The following FLT1 variants were observed in gnomAD, a reference collection of about 807,000 sequenced individuals.
FLT1 encodes the protein fms related receptor tyrosine kinase 1.
FLT1 carries 49 observed loss-of-function variants against 156.3 expected under a neutral mutation model. The observed-to-expected ratio is 0.31, with a 90% CI of 0.25 to 0.40. FLT1 has a LOEUF of 0.40. Ranked by LOEUF, FLT1 falls within the 10% of genes least tolerant of loss-of-function variation. The pLI is 1.00. For missense variants in FLT1, 1,322 were observed against 1,637.2 expected (o/e 0.81, Z 3.32); for synonymous variants, 594 against 583.8 (o/e 1.02, Z -0.25).
intron 17 of FLT1, among the ~76,000 whole-genome samples, chr13:28,335,699 G>A (rs1872092790): frequency 6.6e-6 from 1 of 152,160 alleles, no homozygotes; most frequent in South Asian, 2.1e-4. Flanking sequence ...CTGGGGAGAC[G>A]ACACGTTTCT....
chr13:28,306,641 C>G, intron 29 of FLT1, 37 bp downstream of exon 29: 1 of 1,409,402 alleles, frequency 7.1e-7, no homozygotes, highest in Non-Finnish European at 1.0e-6. Context: ...TCGTACCCCT[C>G]CATCAACTGA....
intron 14 of FLT1, among the ~76,000 whole-genome samples, chr13:28,364,933 A>G (rs1279648085): frequency 6.6e-6 from 1 of 152,160 alleles, no homozygotes; most frequent in African/African-American, 2.4e-5. Context: ...TTTATACTTC[A>G]ATACTTTATA....
At chr13:28,470,357 T>C (rs575609902) in intron 1 of FLT1, among the ~76,000 whole-genome samples, 4 of 152,238 alleles carry the variant, frequency 2.6e-5, no homozygotes, top group Non-Finnish European at 4.4e-5. Context: ...CATGCCAGAA[T>C]AGTTTCTGCC....
chr13:28,388,077 A>G, intron 13 of FLT1: 1 of 1,057,268 alleles, frequency 9.5e-7, no homozygotes, highest in Non-Finnish European at 1.1e-6. Context: ...GTTCTATGGT[A>G]TTAAGGCATT....
intron 10 of FLT1, among the ~76,000 whole-genome samples, chr13:28,423,909 C>T (rs1877161580): frequency 6.6e-6 from 1 of 152,180 alleles, no homozygotes; most frequent in South Asian, 2.1e-4. Flanking sequence ...TATTAATATT[C>T]AAAAGAGATA....
chr13:28,325,580 C>T (rs989606365), intron 20 of FLT1, among the ~76,000 whole-genome samples: 5 of 152,106 alleles, frequency 3.3e-5, no homozygotes, highest in South Asian at 2.1e-4. Flanking sequence ...TTTGTGAGGC[C>T]GAGGCAGGCG....
chr13:28,379,257 C>A (rs1203658109), intron 14 of FLT1, among the ~76,000 whole-genome samples: 1 of 152,172 alleles, frequency 6.6e-6, no homozygotes. Context: ...GCACCAGAAC[C>A]TGGGAGGCGG....
At chr13:28,311,860 TAC>T (rs375433146) in intron 26 of FLT1, 128 bp from the exon 27 acceptor site, 946 of 1,093,124 alleles carry the variant, frequency 8.7e-4, no homozygotes, top group Non-Finnish European at 1.1e-3. Flanking sequence ...TAATTCTGTA[TAC>T]ACACACACAC....
chr13:28,376,057 C>T (rs995765120), intron 14 of FLT1, among the ~76,000 whole-genome samples: 1 of 152,188 alleles, frequency 6.6e-6, no homozygotes, highest in African/African-American at 2.4e-5. Context: ...CCTCATTCCT[C>T]TCTCTCTTCT....
At chr13:28,356,987 AAGAGG>A (rs1872921235) in intron 15 of FLT1, among the ~76,000 whole-genome samples, 1 of 152,236 alleles carries the variant, frequency 6.6e-6, no homozygotes, top group South Asian at 2.1e-4. Flanking sequence ...GAGACCTATA[AAGAGG>A]AAGCACTTGG....
At chr13:28,416,794 T>C (rs1041223141) in intron 10 of FLT1, among the ~76,000 whole-genome samples, 4 of 152,222 alleles carry the variant, frequency 2.6e-5, no homozygotes, top group African/African-American at 7.2e-5. Flanking sequence ...ATCCTACGTG[T>C]TCAAGTACTT....
rs2137622827 is a variant in FLT1, at chr13:28,467,124, TC to T, written c.166del (p.Glu56LysfsTer12). On this transcript the variant is annotated frameshift_variant, in exon 3 of 30. Transcript: ENST00000282397. LOFTEE classifies it high-confidence loss of function. Reference protein sequence around the residue: ...GQTLHLQCRGEAAHKWSLPEM... With the variant: ...GQTLHLQCRGXAAHKWSLPEM... ...AGGCAAAGACCATTTATGGGCTGCT[TC>T]CCCCCTGCAATCACAGATAAGAAAA... is the stretch of plus-strand genomic sequence containing the variant. 2 of 1,612,556 alleles carry T rather than the reference TC, an allele frequency of 1.2e-6. No individual in the cohort carries two copies. Among genetic ancestry groups the T allele is most frequent in the Non-Finnish European group, 8.5e-7 (1 of 1,179,062 alleles).
intron 11 of FLT1, among the ~76,000 whole-genome samples, chr13:28,405,405 C>A (rs1875723720): frequency 6.6e-6 from 1 of 152,198 alleles, no homozygotes; most frequent in South Asian, 2.1e-4. Context: ...GATTCTCAAT[C>A]CCCGTTAGGT....
intron 27 of FLT1, 132 bp downstream of exon 27, chr13:28,311,458 C>T (rs1870996068): frequency 1.2e-6 from 1 of 826,326 alleles, no homozygotes; most frequent in African/African-American, 1.7e-5. Context: ...CATAATCTTT[C>T]TTTCTTTCTT....
At chr13:28,346,722 G>A (rs980775609) in intron 15 of FLT1, among the ~76,000 whole-genome samples, 11 of 152,146 alleles carry the variant, frequency 7.2e-5, no homozygotes, top group African/African-American at 2.4e-4. Context: ...AAGAGAGAGG[G>A]AGAGAAAGAG....
At chr13:28,477,730 C>T (rs924514973) in intron 1 of FLT1, among the ~76,000 whole-genome samples, 1 of 152,174 alleles carries the variant, frequency 6.6e-6, no homozygotes, top group Non-Finnish European at 1.5e-5. Flanking sequence ...GCATACTCCC[C>T]ACGGGCTTAT....
At chr13:28,405,234 T>A (rs981036701) in intron 11 of FLT1, among the ~76,000 whole-genome samples, 2 of 152,146 alleles carry the variant, frequency 1.3e-5, no homozygotes, top group African/African-American at 4.8e-5. Context: ...GGTCAAGGAA[T>A]CTTGATAGAT....
chr13:28,336,237 T>C (rs537310290), intron 17 of FLT1, among the ~76,000 whole-genome samples: 2 of 152,292 alleles, frequency 1.3e-5, no homozygotes, highest in Admixed American at 6.5e-5. Context: ...TGGCTCTCAT[T>C]TGGCTTCCCT....
intron 3 of FLT1, among the ~76,000 whole-genome samples, chr13:28,452,281 T>C (rs1490112223): frequency 6.6e-6 from 1 of 152,210 alleles, no homozygotes; most frequent in Non-Finnish European, 1.5e-5. Flanking sequence ...GCCCAAAGCT[T>C]TGACAGGATA....
Sources: allele counts gnomAD v4.1 joint callset (sites outside exome capture counted in the v4.1 genomes callset), GRCh38; gene constraint gnomAD v4.1.1; transcripts MANE v1.5; gene names NCBI Gene and HGNC (gene_info 2026-07-23, HGNC 2026-07-21).